Variants in CHCHD3 observed in about 807,000 individuals in gnomAD.
The protein encoded by CHCHD3 is coiled-coil-helix-coiled-coil-helix domain containing 3.
CHCHD3 carries 20 observed loss-of-function variants against 38.2 expected under a neutral mutation model. That is an observed-to-expected ratio of 0.52 (90% CI 0.37 to 0.76). The LOEUF is 0.76. CHCHD3 is among the 30% of genes least tolerant of loss of function. The probability of loss-of-function intolerance (pLI) is 0.00; values close to 1 mark genes in which losing one functional copy is unlikely to be tolerated. For synonymous variants in CHCHD3, 82 were observed against 100.0 expected, an observed-to-expected ratio of 0.82 and a Z score of 1.07; for missense variants, 245 against 279.2, an observed-to-expected ratio of 0.88 and a Z score of 0.87.
At chr7:132,887,283 T>TA (rs1234735541) in intron 4 of CHCHD3, among the ~76,000 whole-genome samples, 2 of 151,844 alleles carry the variant, frequency 1.3e-5, no homozygotes, top group African/African-American at 4.8e-5. Context: ...TACAAGTATA[T>TA]AATCTATGGC....
intron 4 of CHCHD3, among the ~76,000 whole-genome samples, chr7:132,915,720 C>T (rs1257805072): frequency 6.6e-6 from 1 of 152,142 alleles, no homozygotes; most frequent in Non-Finnish European, 1.5e-5. Flanking sequence ...CTTTTCTTCT[C>T]AAGATAATTC....
chr7:132,813,665 A>G (rs2117055594), intron 6 of CHCHD3: 1 of 152,306 alleles, frequency 6.6e-6, no homozygotes, highest in East Asian at 1.9e-4. Flanking sequence ...TCTTCTTTCC[A>G]AAGAAAAATG....
intron 4 of CHCHD3, among the ~76,000 whole-genome samples, chr7:132,917,858 CAAAA>C (rs33977058): frequency 1.1e-5 from 1 of 93,036 alleles, no homozygotes; most frequent in Non-Finnish European, 1.9e-5. Flanking sequence ...GACTCCATCT[CAAAA>C]AAAAAAAAAA....
intron 2 of CHCHD3, among the ~76,000 whole-genome samples, chr7:133,025,900 C>CAAATG (rs1562941206): frequency 2.0e-5 from 3 of 152,134 alleles, no homozygotes; most frequent in African/African-American, 7.2e-5. Context: ...ATGCTTAGTC[C>CAAATG]CACAGCATAT....
chr7:133,028,816 C>T (rs1196888084), intron 2 of CHCHD3, among the ~76,000 whole-genome samples: 12 of 150,102 alleles, frequency 8.0e-5, no homozygotes, highest in African/African-American at 2.7e-4. Context: ...ACTCGGGAGG[C>T]GGAGGTTGCA....
At chr7:133,026,146 G>A (rs1017944350) in intron 2 of CHCHD3, among the ~76,000 whole-genome samples, 11 of 152,058 alleles carry the variant, frequency 7.2e-5, no homozygotes, top group African/African-American at 9.7e-5. Context: ...GAGTATGCAC[G>A]TATATAGGAT....
chr7:133,032,386 C>T (rs1813528548), intron 2 of CHCHD3, among the ~76,000 whole-genome samples: 1 of 152,132 alleles, frequency 6.6e-6, no homozygotes, highest in South Asian at 2.1e-4. Flanking sequence ...ACTGCACATT[C>T]ATAATCATAA....
intron 7 of CHCHD3, among the ~76,000 whole-genome samples, chr7:132,791,845 C>T (rs1649981027): frequency 6.6e-6 from 1 of 152,142 alleles, no homozygotes; most frequent in African/African-American, 2.4e-5. Context: ...AGGATCTAGC[C>T]TCATTTACTG....
At chr7:133,055,501 A>G (rs1212809051) in intron 2 of CHCHD3, among the ~76,000 whole-genome samples, 1 of 143,378 alleles carries the variant, frequency 7.0e-6, no homozygotes, top group Non-Finnish European at 1.5e-5. Flanking sequence ...TATATTTATT[A>G]TAATTAATTA....
At chr7:132,829,983 A>T (rs1469832564) in intron 6 of CHCHD3, among the ~76,000 whole-genome samples, 2 of 152,156 alleles carry the variant, frequency 1.3e-5, no homozygotes, top group African/African-American at 2.4e-5. Context: ...GAGTAGAGAG[A>T]TAATGCAGAT....
chr7:132,988,984 A>G (rs1483517125), intron 3 of CHCHD3, among the ~76,000 whole-genome samples: 1 of 152,204 alleles, frequency 6.6e-6, no homozygotes, highest in Non-Finnish European at 1.5e-5. Flanking sequence ...TTTAATATAC[A>G]GTATAACAAC....
rs1810786089 is a variant in CHCHD3, at chr7:132,942,227, T to C, written c.369+32942A>G. On this transcript the variant is annotated intron_variant, in intron 4 of 7. Transcript: ENST00000262570. ...CACGGGCAGGAGGAAAGGGGAATAC[T>C]GTTACAGTCACTAGAAAAACTCTCT... 7.2e-5 allele frequency among the ~76,000 whole-genome samples: 11 copies of C among 152,298 alleles called. No individual in the cohort carries two copies. The South Asian group carries it at 2.3e-3, about 32-fold the overall frequency.
chr7:132,885,297 A>G (rs1327728825), intron 5 of CHCHD3, among the ~76,000 whole-genome samples: 3 of 152,162 alleles, frequency 2.0e-5, no homozygotes, highest in Non-Finnish European at 2.9e-5. Flanking sequence ...AGATAAATAT[A>G]TCCTTTAAAA....
rs1466627010 is a variant in CHCHD3 at position 132,785,397 on chromosome 7, A to G, written c.*240T>C. 2.6e-5 allele frequency: 15 copies of G among 571,676 alleles called. No individual in the cohort carries two copies. The highest frequency in any genetic ancestry group is 3.8e-5 in the Non-Finnish European group (12 of 319,306). The allele number at this position is 571,676 out of a possible 1,614,324, so 35.4% of individuals were successfully genotyped here. A position where few individuals can be genotyped will look rare whatever the true frequency, so the allele number is the denominator to read the frequency against. On this transcript the variant is annotated 3_prime_UTR_variant, in exon 8 of 8. Coordinates refer to ENST00000262570, the MANE Select transcript of CHCHD3 (RefSeq NM_017812.4). Reference sequence around the variant, plus strand: ...CTGCCCTTCTCTTTTAATCATCATAAGAGGGTTTACTAATACTCAAGAGTG... The same window carrying G: ...CTGCCCTTCTCTTTTAATCATCATAGGAGGGTTTACTAATACTCAAGAGTG...
chr7:133,052,173 G>A lies in CHCHD3; in HGVS notation c.169+17969C>T, dbSNP rs533477338. On this transcript the variant is annotated intron_variant, in intron 2 of 7. Coordinates refer to ENST00000262570, the MANE Select transcript of CHCHD3 (RefSeq NM_017812.4). ...TCAGGGCTGGCTGGTCCCAAAACCT[G>A]AGCCCCCTCATTGTATCAATTGCCT... The A allele has an allele frequency of 5.3e-5, 8 of 152,296 alleles. No individual in the cohort carries two copies. The East Asian group carries it at 7.7e-4, about 15-fold the overall frequency. The allele number at this position is 152,296 out of a possible 1,614,324, so 9.4% of individuals were successfully genotyped here.
At chr7:132,915,222 G>C (rs992427249) in intron 4 of CHCHD3, among the ~76,000 whole-genome samples, 4 of 152,038 alleles carry the variant, frequency 2.6e-5, no homozygotes, top group Non-Finnish European at 4.4e-5. Context: ...CACTGGAAGA[G>C]AGCGGCAAGG....
chr7:133,035,846 G>A lies in CHCHD3; in HGVS notation c.170-11219C>T, dbSNP rs181440155. ...CGGAGAGCACGCGGATCTGAGCCCC[G>A]CTGTACTGAGCAGCGATGAGAGCCT... On this transcript the variant is annotated intron_variant, in intron 2 of 7. Transcript: ENST00000262570. The surrounding 1 kb of genome is among the most constrained non-coding windows in gnomAD (Gnocchi z 4.7). The A allele has an allele frequency of 1.4e-4, 223 of 1,613,112 alleles. No individual in the cohort carries two copies. The East Asian group carries it at 1.9e-3, about 14-fold the overall frequency.
At chr7:132,912,936 CTA>C (rs1809993451) in intron 4 of CHCHD3, among the ~76,000 whole-genome samples, 1 of 152,204 alleles carries the variant, frequency 6.6e-6, no homozygotes, top group Admixed American at 6.5e-5. Flanking sequence ...CTTAAATTTT[CTA>C]TATGTTTGTT....
intron 2 of CHCHD3, chr7:133,034,509 T>TTG: frequency 7.1e-6 from 1 of 140,076 alleles, no homozygotes; most frequent in Non-Finnish European, 1.1e-5. Context: ...GGATCCAGTC[T>TTG]TTTTTTTTTT....
Sources: allele counts gnomAD v4.1 joint callset (sites outside exome capture counted in the v4.1 genomes callset), GRCh38; gene constraint gnomAD v4.1.1; non-coding constraint Gnocchi (gnomAD v3.1); transcripts MANE v1.5; gene names NCBI Gene and HGNC (gene_info 2026-07-23, HGNC 2026-07-21).